Variants in CCSER1 observed in about 807,000 individuals in gnomAD.
The protein encoded by CCSER1 is serine-rich coiled-coil domain-containing protein 1.
CCSER1 carries 41 observed loss-of-function variants against 82.0 expected under a neutral mutation model. That is an observed-to-expected ratio of 0.50 (90% CI 0.39 to 0.65). CCSER1 has a LOEUF of 0.65. CCSER1 is among the 30% of genes least tolerant of loss of function. The pLI, the probability that CCSER1 is intolerant of heterozygous loss-of-function variation, is 0.00. For synonymous variants in CCSER1, 414 were observed against 383.9 expected, an observed-to-expected ratio of 1.08 and a Z score of -0.92; for missense variants, 1,119 against 1,064.2, an observed-to-expected ratio of 1.05 and a Z score of -0.72.
At chr4:91,462,957 C>T (rs1299836645) in intron 10 of CCSER1, among the ~76,000 whole-genome samples, 1 of 152,192 alleles carries the variant, frequency 6.6e-6, no homozygotes, top group African/African-American at 2.4e-5. Flanking sequence ...CAAAAAGCAG[C>T]AGAAACTTCT....
chr4:90,403,498 CA>C (rs753570201), intron 4 of CCSER1, among the ~76,000 whole-genome samples: 111 of 45,990 alleles, frequency 2.4e-3, no homozygotes, highest in South Asian at 7.0e-3. Flanking sequence ...GACTCCGTCT[CA>C]AAAAAAAAAA....
rs376978385 is a variant in CCSER1, at chr4:91,415,918, TA to T, written c.2218-182652del. Among the ~76,000 whole-genome samples the T allele has an allele frequency of 4.6e-5, 7 of 152,240 alleles. No homozygotes were observed. In the East Asian group the frequency reaches 9.7e-4, roughly 21 times the overall value. Reference sequence around the variant, plus strand: ...CCAGGTTTTGGTATCAGGATGATGCTAACTGCATCATCAGGAGTCCCTCATT... The same window carrying T: ...CCAGGTTTTGGTATCAGGATGATGCTACTGCATCATCAGGAGTCCCTCATT... On this transcript the variant is annotated intron_variant, in intron 10 of 10. Coordinates refer to ENST00000509176, the MANE Select transcript of CCSER1 (RefSeq NM_001145065.2).
intron 1 of CCSER1, among the ~76,000 whole-genome samples, chr4:90,185,008 A>G (rs1734355586): frequency 6.6e-6 from 1 of 152,060 alleles, no homozygotes; most frequent in Non-Finnish European, 1.5e-5. Context: ...GACCTAGGGA[A>G]TAGGAGTGAG....
At chr4:90,918,776 CAA>C (rs147757363) in intron 8 of CCSER1, among the ~76,000 whole-genome samples, 1 of 150,954 alleles carries the variant, frequency 6.6e-6, no homozygotes, top group African/African-American at 2.4e-5. Flanking sequence ...CACACACACA[CAA>C]ACACACACAC....
chr4:91,441,458 A>G (rs1423297255), intron 10 of CCSER1, among the ~76,000 whole-genome samples: 2 of 152,178 alleles, frequency 1.3e-5, no homozygotes, highest in South Asian at 2.1e-4. Context: ...TTAGGTATTG[A>G]TGGGACATAA....
intron 10 of CCSER1, among the ~76,000 whole-genome samples, chr4:91,568,003 G>A (rs1441955775): frequency 1.3e-5 from 2 of 151,978 alleles, no homozygotes; most frequent in African/African-American, 4.8e-5. Context: ...GCTAGTAGAG[G>A]TCTTTTCTTT....
At chr4:90,269,178 G>T (rs1725794242) in intron 1 of CCSER1, among the ~76,000 whole-genome samples, 1 of 152,008 alleles carries the variant, frequency 6.6e-6, no homozygotes, top group Admixed American at 6.6e-5. Flanking sequence ...TATTTAGATT[G>T]AATAGACTTA....
intron 10 of CCSER1, among the ~76,000 whole-genome samples, chr4:91,557,211 C>G (rs1013594079): frequency 7.3e-5 from 11 of 151,200 alleles, no homozygotes; most frequent in Non-Finnish European, 1.6e-4. Context: ...CTTAGGAGCT[C>G]TTGGTATCCA....
intron 4 of CCSER1, among the ~76,000 whole-genome samples, chr4:90,406,476 A>G (rs1275632233): frequency 3.3e-5 from 5 of 152,190 alleles, no homozygotes; most frequent in Non-Finnish European, 7.4e-5. Flanking sequence ...CAGCAAAGAA[A>G]CAATGGACTT....
At chr4:91,132,381 G>C (rs1473368723) in intron 10 of CCSER1, among the ~76,000 whole-genome samples, 1 of 152,172 alleles carries the variant, frequency 6.6e-6, no homozygotes, top group Non-Finnish European at 1.5e-5. Flanking sequence ...ATGAAAAAAT[G>C]CAGCACTGCA....
intron 1 of CCSER1, among the ~76,000 whole-genome samples, chr4:90,174,765 G>A (rs934507226): frequency 8.6e-5 from 13 of 151,650 alleles, no homozygotes; most frequent in African/African-American, 2.9e-4. Context: ...GAGTAGAGGT[G>A]ACAAGTGACT....
intron 5 of CCSER1, among the ~76,000 whole-genome samples, chr4:90,593,591 A>G (rs993900948): frequency 6.6e-6 from 1 of 152,090 alleles, no homozygotes; most frequent in Non-Finnish European, 1.5e-5. Context: ...GGAAGTCCTT[A>G]GGTTTCCAGC....
intron 10 of CCSER1, among the ~76,000 whole-genome samples, chr4:91,460,437 T>C (rs1756440472): frequency 6.6e-6 from 1 of 152,086 alleles, no homozygotes; most frequent in Non-Finnish European, 1.5e-5. Context: ...CAAAATTCAG[T>C]CCGATGGCTC....
At chr4:91,003,621 G>T (rs1235129271) in intron 9 of CCSER1, among the ~76,000 whole-genome samples, 3 of 152,122 alleles carry the variant, frequency 2.0e-5, no homozygotes, top group Non-Finnish European at 4.4e-5. Flanking sequence ...GCAGGGCTGA[G>T]AACTTGTCCC....
At chr4:90,957,516 CAT>C (rs973270357) in intron 9 of CCSER1, among the ~76,000 whole-genome samples, 7 of 107,464 alleles carry the variant, frequency 6.5e-5, no homozygotes, top group East Asian at 5.2e-4. Context: ...TATAATATAA[CAT>C]AATATCATAT....
At chr4:90,372,690 C>T (rs1033952731) in intron 3 of CCSER1, among the ~76,000 whole-genome samples, 1 of 151,588 alleles carries the variant, frequency 6.6e-6, no homozygotes, top group African/African-American at 2.4e-5. Flanking sequence ...ATGGAGTTTG[C>T]AGTGAGCTGA....
chr4:90,979,803 C>T (rs145465691), intron 9 of CCSER1, among the ~76,000 whole-genome samples: 8 of 151,664 alleles, frequency 5.3e-5, no homozygotes, highest in East Asian at 2.0e-4. Context: ...GCTGTGTAGA[C>T]GGAGATGAAA....
intron 10 of CCSER1, among the ~76,000 whole-genome samples, chr4:91,165,454 C>G (rs1003018112): frequency 2.0e-5 from 3 of 152,210 alleles, no homozygotes; most frequent in East Asian, 1.9e-4. Flanking sequence ...AACTACTGCT[C>G]TCTTCAGAAC....
chr4:90,700,559 G>A (rs1459848656), intron 6 of CCSER1, among the ~76,000 whole-genome samples: 2 of 151,880 alleles, frequency 1.3e-5, no homozygotes, highest in Non-Finnish European at 2.9e-5. Flanking sequence ...TTGAGGAATT[G>A]CCACACTGTC....
Sources: allele counts gnomAD v4.1 joint callset (sites outside exome capture counted in the v4.1 genomes callset), GRCh38; gene constraint gnomAD v4.1.1; transcripts MANE v1.5; gene names NCBI Gene and HGNC (gene_info 2026-07-23, HGNC 2026-07-21).